ZNRF3: variants seen among roughly 807,000 people sequenced by gnomAD.
The protein encoded by ZNRF3 is E3 ubiquitin-protein ligase ZNRF3.
ZNRF3 carries 23 observed loss-of-function variants against 72.5 expected under a neutral mutation model. That is an observed-to-expected ratio of 0.32 (90% CI 0.23 to 0.45). ZNRF3 has a LOEUF of 0.45. Among genes scored for constraint, ZNRF3 ranks in the 20% least tolerant of loss-of-function variants. ZNRF3 has a pLI of 1.00. For missense variants in ZNRF3, 1,169 were observed against 1,272.1 expected (o/e 0.92, Z 1.23); for synonymous variants, 610 against 545.3 (o/e 1.12, Z -1.65).
rs35759703 is a variant in ZNRF3 at position 29,052,691 on chromosome 22, C to CA, written c.2768-871dup. Among the ~76,000 whole-genome samples, 1,015 of 118,188 alleles carry CA rather than the reference C, an allele frequency of 8.6e-3. 11 individuals carry two copies. The highest frequency in any genetic ancestry group is 0.02 in the African/African-American group (622 of 31,632). 77.5% of individuals were successfully genotyped at this position (118,188 alleles called of 152,430 possible). The stretch of plus-strand genomic sequence containing the variant: ...CTGGCGACAGAGCGAGACTCCGTCT[C>CA]AAAAAAAAAAAAAAAAAGTTAACTC... On this transcript the variant is annotated intron_variant, in intron 8 of 8. Transcript: ENST00000544604.
In ZNRF3 at chr22:29,049,315, C is replaced by A. The variant is rs921842383; in HGVS notation, c.1134C>A (p.Ile378=). The part of the protein sequence containing the change: ...YPGRVHRTNA[I]PAYPTRTSMD... ...GCCGCGTGCACAGGACCAACGCCAT[C>A]CCAGCCTACCCTACGAGGACAAGCA... The change falls in exon 8 of 9, where the codon ATC becomes ATA. Residue 378 remains isoleucine (I), a synonymous_variant. Transcript: ENST00000544604. The surrounding 1 kb of genome is among the most constrained non-coding windows in gnomAD (Gnocchi z 5.2). The A allele has an allele frequency of 6.2e-7, 1 of 1,613,822 alleles. No individual in the cohort carries two copies. The highest frequency in any genetic ancestry group is 8.5e-7 in the Non-Finnish European group (1 of 1,180,026).
chr22:28,950,999 C>G (rs754066403), intron 1 of ZNRF3, among the ~76,000 whole-genome samples: 2 of 152,184 alleles, frequency 1.3e-5, no homozygotes, highest in African/African-American at 2.4e-5. Flanking sequence ...CCTTGTTTCC[C>G]CCTGTGATGG....
chr22:28,922,387 G>A (rs1041542419), intron 1 of ZNRF3, among the ~76,000 whole-genome samples: 1 of 152,086 alleles, frequency 6.6e-6, no homozygotes. Context: ...AAAATTTGCT[G>A]TTGTTGCTAT....
At chr22:28,942,690 CTGTT>C (rs1337540648) in intron 1 of ZNRF3, among the ~76,000 whole-genome samples, 6 of 152,170 alleles carry the variant, frequency 3.9e-5, no homozygotes, top group Admixed American at 3.3e-4. Context: ...GTGAAAGAGA[CTGTT>C]TGAGGTGTCC....
chr22:29,017,808 A>C (rs1401704304), intron 2 of ZNRF3, among the ~76,000 whole-genome samples: 2 of 152,162 alleles, frequency 1.3e-5, no homozygotes, highest in Admixed American at 6.5e-5. Context: ...TGAGTGCAGA[A>C]AAGACTCATA....
intron 2 of ZNRF3, chr22:28,992,764 G>A (rs777349052): frequency 6.6e-6 from 1 of 152,224 alleles, no homozygotes; most frequent in African/African-American, 2.4e-5. Context: ...AGTCTATCCT[G>A]AGTCATTCAG....
intron 1 of ZNRF3, among the ~76,000 whole-genome samples, chr22:28,950,879 G>A (rs570019775): frequency 6.6e-6 from 1 of 152,140 alleles, no homozygotes; most frequent in Non-Finnish European, 1.5e-5. Context: ...TGTATTTTGC[G>A]CCTTGTCCTC....
rs537302025 is a variant in ZNRF3 at position 28,993,307 on chromosome 22, T to C, written c.426+6106T>C. 6.8e-4 allele frequency among the ~76,000 whole-genome samples: 103 copies of C among 152,348 alleles called. 2 individuals are homozygous for C. In the South Asian group the frequency reaches 0.02, roughly 30 times the overall value. On this transcript the variant is annotated intron_variant, in intron 2 of 8. Transcript: ENST00000544604. ...GAGGGCTCTTCATGTTTGCCATCTC[T>C]CCTTTCTGTTTGCACATTTAAGCAA...
At position 29,018,123 on chromosome 22, in the gene ZNRF3, A is replaced by C. The variant is rs1283716217; in HGVS notation, c.427-24372A>C. 7.8e-6 allele frequency: 4 copies of C among 513,840 alleles called. No individual in the cohort carries two copies. In the Admixed American group the frequency reaches 7.8e-5, roughly 10 times the overall value. The allele number at this position is 513,840 out of a possible 1,614,324, so 31.8% of individuals were successfully genotyped here. A position where few individuals can be genotyped will look rare whatever the true frequency, so the allele number is the denominator to read the frequency against. The stretch of plus-strand genomic sequence containing the variant: ...ACCGGATCCAAACTGGATCCAAAGG[A>C]GAGTCTTGAACATTATAAGGAATTG... On this transcript the variant is annotated intron_variant, in intron 2 of 8. Coordinates refer to ENST00000544604, the MANE Select transcript of ZNRF3 (RefSeq NM_001206998.2).
Sources: gnomAD v4.1 joint callset for allele counts (sites outside exome capture counted in the v4.1 genomes callset) on GRCh38, gnomAD v4.1.1 for gene constraint, Gnocchi (gnomAD v3.1) non-coding constraint, MANE v1.5 for transcripts, NCBI Gene and HGNC (gene_info 2026-07-23, HGNC 2026-07-21) for gene names.